Variants in ZXDC observed in about 807,000 individuals in gnomAD.
The protein encoded by ZXDC is ZXD family zinc finger C.
In ZXDC, 58 loss-of-function variants were observed where a neutral mutation model predicts 63.6. The observed-to-expected ratio is 0.91, with a 90% confidence interval of 0.74 to 1.13. The LOEUF (loss-of-function observed/expected upper bound fraction) is 1.13, where lower values mean the gene tolerates loss of function less well. Among genes scored for constraint, ZXDC ranks in the 50% most tolerant of loss-of-function variants. The pLI is 0.00. For missense variants in ZXDC, 1,133 were observed against 1,148.9 expected (o/e 0.99, Z 0.20); for synonymous variants, 561 against 496.1 (o/e 1.13, Z -1.74).
chr3:126,443,371 A>G (rs1395610936), intron 7 of ZXDC: 1 of 152,256 alleles, frequency 6.6e-6, no homozygotes, highest in Non-Finnish European at 1.5e-5. Context: ...CTGGGGCAAG[A>G]GAGGTGCCTG....
rs1057015453 is a variant in ZXDC at position 126,460,111 on chromosome 3, T to C, written c.2128-374A>G. ...CTTACCGCGACACTTTTCACGCTGT[T>C]TCACACACGTGCATGGCAGGCCCGG... On this transcript the variant is annotated intron_variant, in intron 6 of 9. Transcript: ENST00000389709. 6.1e-6 allele frequency: 6 copies of C among 985,400 alleles called. No homozygotes were observed. The African/African-American group carries it at 1.0e-4, about 17-fold the overall frequency. 61.0% of individuals were successfully genotyped at this position (985,400 alleles called of 1,614,324 possible).
At chr3:126,450,335 C>T (rs746372257) in intron 7 of ZXDC, 1 of 456,730 alleles carries the variant, frequency 2.2e-6, no homozygotes, top group South Asian at 1.5e-5. Context: ...GAGCAGACAG[C>T]TCCCACTTCG....
chr3:126,459,851 CAG>C, intron 6 of ZXDC, 114 bp from the exon 7 acceptor site: 1 of 1,577,786 alleles, frequency 6.3e-7, no homozygotes, highest in Non-Finnish European at 8.6e-7. Context: ...CTCCCAAAAC[CAG>C]AGTCACCAGC....
chr3:126,458,533 T>C (rs11706486), intron 7 of ZXDC: 185,385 of 968,182 alleles, frequency 0.19, 18,848 homozygotes, highest in East Asian at 0.39. Context: ...CCACCGCACC[T>C]GGCCAATGTC....
Position 126,438,323 on chromosome 3 carries a change from G to A in ZXDC, c.*52C>T. 1 of 1,498,718 alleles carries A rather than the reference G, an allele frequency of 6.7e-7. No individual in the cohort carries two copies. Among genetic ancestry groups the A allele is most frequent in the South Asian group, 1.2e-5 (1 of 84,694 alleles). 92.8% of individuals were successfully genotyped at this position (1,498,718 alleles called of 1,614,324 possible). On this transcript the variant is annotated 3_prime_UTR_variant, in exon 10 of 10. Coordinates refer to ENST00000389709, the MANE Select transcript of ZXDC (RefSeq NM_025112.5). ...CCCAGGCTCATGTCATGAGTCTCAG[G>A]GAAGGTGTGTCCTAGACCGTGGCCT...
rs571817613 is a variant in ZXDC at position 126,457,370 on chromosome 3, C to T, written c.2212+2283G>A. On this transcript the variant is annotated intron_variant, in intron 7 of 9. Coordinates refer to ENST00000389709, the MANE Select transcript of ZXDC (RefSeq NM_025112.5). Reference sequence around the variant, plus strand: ...TAAAACCACAGCAGACCCATGGGCGCGGGAAGACACCAGTGCCCTGCATGT... The same window carrying T: ...TAAAACCACAGCAGACCCATGGGCGTGGGAAGACACCAGTGCCCTGCATGT... The T allele has an allele frequency of 3.9e-5, 38 of 985,392 alleles. 1 individual carries two copies. Among genetic ancestry groups the T allele is most frequent in the South Asian group, 1.9e-4 (4 of 21,280 alleles). 61.0% of individuals were successfully genotyped at this position (985,392 alleles called of 1,614,324 possible). A position where few individuals can be genotyped will look rare whatever the true frequency, so the allele number is the denominator to read the frequency against.
intron 7 of ZXDC, chr3:126,457,318 G>A (rs1302569546): frequency 2.0e-6 from 2 of 985,346 alleles, no homozygotes; most frequent in African/African-American, 3.5e-5. Flanking sequence ...AAGACACACA[G>A]AGGAGCGCTG....
At chr3:126,454,335 T>G in intron 7 of ZXDC, 1 of 985,046 alleles carries the variant, frequency 1.0e-6, no homozygotes, top group Non-Finnish European at 1.2e-6. Context: ...AAATAAATAT[T>G]CATATAAATG....
chr3:126,457,008 G>A lies in ZXDC; in HGVS notation c.2212+2645C>T, dbSNP rs550676241. The stretch of plus-strand genomic sequence containing the variant: ...CCAGAAGACATCAGGCAGGCCCACA[G>A]GGAGGACGGTCCAGAGCGATAGGCC... On this transcript the variant is annotated intron_variant, in intron 7 of 9. Transcript: ENST00000389709. Among the ~76,000 whole-genome samples, 16 of 152,338 alleles carry A rather than the reference G, an allele frequency of 1.1e-4. No individual in the cohort carries two copies. The South Asian group carries it at 3.1e-3, about 30-fold the overall frequency.
chr3:126,450,166 A>G (rs571742341), intron 7 of ZXDC: 1 of 369,612 alleles, frequency 2.7e-6, no homozygotes, highest in South Asian at 2.0e-5. Context: ...CAGGAAGTGT[A>G]CAACAGGAAA....
At chr3:126,461,071 TAA>T (rs1934509879) in intron 6 of ZXDC, 11 of 985,472 alleles carry the variant, frequency 1.1e-5, no homozygotes, top group African/African-American at 3.5e-5. Flanking sequence ...CTAAGGCTCA[TAA>T]ACCCCACCCT....
At chr3:126,443,595 A>C (rs1276171696) in intron 7 of ZXDC, among the ~76,000 whole-genome samples, 1 of 152,176 alleles carries the variant, frequency 6.6e-6, no homozygotes, top group Non-Finnish European at 1.5e-5. Flanking sequence ...TTTGCCACAA[A>C]CCTTCAATTT....
rs556667477 is a variant in ZXDC, at chr3:126,448,763, G to A, written c.2213-6817C>T. ...TGGGGCCACAGCCATGAGGGTAGAC[G>A]GCCATCGCCATGAAACTCCCACGGA... On this transcript the variant is annotated intron_variant, in intron 7 of 9. Transcript: ENST00000389709. Among the ~76,000 whole-genome samples, 14 of 152,356 alleles carry A rather than the reference G, an allele frequency of 9.2e-5. No homozygotes were observed. In the East Asian group the frequency reaches 9.6e-4, roughly 11 times the overall value.
At chr3:126,446,584 CAG>C (rs1427235789) in intron 7 of ZXDC, among the ~76,000 whole-genome samples, 2 of 152,110 alleles carry the variant, frequency 1.3e-5, no homozygotes, top group African/African-American at 4.8e-5. Context: ...TTGATAACCA[CAG>C]GGGGTCATGC....
chr3:126,441,778 A>G lies in ZXDC; in HGVS notation c.2381T>C (p.Val794Ala), dbSNP rs1158229413. 1.8e-5 allele frequency: 28 copies of G among 1,599,730 alleles called. No homozygotes were observed. Among genetic ancestry groups the G allele is most frequent in the Non-Finnish European group, 2.3e-5 (27 of 1,175,018 alleles). ...GCCAGCTCTCACCTGCACCAGCTGGACCTGGACGCCCTGCGCCCCGCACTG... is the reference window on the plus strand; with the variant it reads ...GCCAGCTCTCACCTGCACCAGCTGGGCCTGGACGCCCTGCGCCCCGCACTG... ...GVQCGAQGVQVQLVQDDPSGE... is the reference protein window; with the variant it reads ...GVQCGAQGVQAQLVQDDPSGE... The change falls in exon 8 of 10, where the codon GTC (valine) becomes GCC (alanine). Residue 794 changes from valine to alanine, a missense_variant. Coordinates refer to ENST00000389709, the MANE Select transcript of ZXDC (RefSeq NM_025112.5).
At chr3:126,460,240 G>GGCAAGTTCCT in intron 6 of ZXDC, 1 of 783,430 alleles carries the variant, frequency 1.3e-6, no homozygotes, top group Non-Finnish European at 1.5e-6. Flanking sequence ...ACTGAATTCA[G>GGCAAGTTCCT]GAACTTGCCT....
intron 7 of ZXDC, among the ~76,000 whole-genome samples, chr3:126,446,624 G>C (rs1394918040): frequency 6.6e-6 from 1 of 152,148 alleles, no homozygotes; most frequent in Non-Finnish European, 1.5e-5. Context: ...ATCCTCACTT[G>C]AACAGGAGGT....
At chr3:126,439,812 C>T in intron 8 of ZXDC, 85 bp from the exon 9 acceptor site, 1 of 1,475,700 alleles carries the variant, frequency 6.8e-7, no homozygotes, top group Non-Finnish European at 9.0e-7. Flanking sequence ...TCTCCTCCAG[C>T]TGCAATGCGT....
intron 4 of ZXDC, among the ~76,000 whole-genome samples, chr3:126,468,414 T>C (rs544112369): frequency 1.3e-5 from 2 of 152,272 alleles, no homozygotes; most frequent in South Asian, 2.1e-4. Flanking sequence ...GCCCCAACTA[T>C]TGCCCAACCC....
Sources: allele counts gnomAD v4.1 joint callset (sites outside exome capture counted in the v4.1 genomes callset), GRCh38; gene constraint gnomAD v4.1.1; transcripts MANE v1.5; gene names NCBI Gene and HGNC (gene_info 2026-07-23, HGNC 2026-07-21).